KCNN2: variants seen among roughly 807,000 people sequenced by gnomAD.
The protein encoded by KCNN2 is potassium calcium-activated channel subfamily N member 2, also known as small conductance calcium-activated potassium channel protein 2.
Under a neutral mutation model 55.5 loss-of-function variants are expected in KCNN2, and 24 were observed. The observed-to-expected ratio is 0.43, with a 90% CI of 0.31 to 0.61. KCNN2 has a LOEUF of 0.61. Among genes scored for constraint, KCNN2 ranks in the 20% least tolerant of loss-of-function variants. The probability of loss-of-function intolerance (pLI) is 0.08; values close to 1 mark genes in which losing one functional copy is unlikely to be tolerated. For missense variants in KCNN2, 754 were observed against 853.6 expected, an observed-to-expected ratio of 0.88 and a Z score of 1.45; for synonymous variants, 431 against 336.1, an observed-to-expected ratio of 1.28 and a Z score of -3.09.
rs1289825047 is a variant in KCNN2 at position 114,090,573 on chromosome 5, GTA to G, written c.-271+34075_-271+34076del. On this transcript the variant is annotated intron_variant, in intron 1 of 10. Coordinates refer to the KCNN2 transcript ENST00000512097. ...TCTCTCTCTCTCTCTATATATATAT[GTA>G]TGTATATATATACATATATATACCA... 2.3e-3 allele frequency among the ~76,000 whole-genome samples: 236 copies of G among 104,156 alleles called. 1 individual carries two copies. The highest frequency in any genetic ancestry group is 6.8e-3 in the African/African-American group (231 of 34,096). 68.3% of individuals were successfully genotyped at this position (104,156 alleles called of 152,430 possible). A position where few individuals can be genotyped will look rare whatever the true frequency, so the allele number is the denominator to read the frequency against.
chr5:114,189,154 GTA>G lies in KCNN2; in HGVS notation c.-270-32324_-270-32323del, dbSNP rs1491448405. Among the ~76,000 whole-genome samples the G allele has an allele frequency of 8.6e-5, 13 of 150,388 alleles. No individual in the cohort carries two copies. The South Asian group carries it at 2.1e-3, about 24-fold the overall frequency. On this transcript the variant is annotated intron_variant, in intron 1 of 10. Transcript: ENST00000512097. ...CAATAGTGTGTGTGTGTGTGTGTGT[GTA>G]TGTGTGTGTGTGTGTAAAGATTTAT...
intron 1 of KCNN2, among the ~76,000 whole-genome samples, chr5:114,193,550 A>G (rs1467169777): frequency 2.0e-5 from 3 of 152,190 alleles, no homozygotes; most frequent in Admixed American, 2.0e-4. Context: ...CTGGATGAAT[A>G]AAGGAGTTAC....
intron 2 of KCNN2, among the ~76,000 whole-genome samples, chr5:114,345,790 A>T (rs6896732): frequency 0.021 from 3,204 of 151,424 alleles, 100 homozygotes; most frequent in African/African-American, 0.075. Context: ...TTTATTTTTT[A>T]TTTTTTTTGA....
At chr5:114,202,567 GTATA>G (rs1314767935) in intron 1 of KCNN2, among the ~76,000 whole-genome samples, 1 of 93,664 alleles carries the variant, frequency 1.1e-5, no homozygotes, top group African/African-American at 3.9e-5. Flanking sequence ...ATATGTGTGT[GTATA>G]TATATATATA....
chr5:114,434,821 C>T (rs1206356442), intron 3 of KCNN2, among the ~76,000 whole-genome samples: 1 of 152,122 alleles, frequency 6.6e-6, no homozygotes, highest in East Asian at 1.9e-4. Context: ...AATGCCAGAT[C>T]ACTCCGGGGG....
intron 1 of KCNN2, among the ~76,000 whole-genome samples, chr5:114,133,940 T>G (rs1228831163): frequency 6.6e-6 from 1 of 152,218 alleles, no homozygotes; most frequent in Admixed American, 6.5e-5. Flanking sequence ...GCTTGTTTAA[T>G]TTGGTCTTTT....
chr5:114,109,068 T>C (rs1049432158), intron 1 of KCNN2, among the ~76,000 whole-genome samples: 7 of 152,076 alleles, frequency 4.6e-5, no homozygotes, highest in African/African-American at 1.7e-4. Context: ...TAGCTCAGGA[T>C]CTCTCAGAAG....
At chr5:114,249,473 G>T (rs148664796) in intron 2 of KCNN2, among the ~76,000 whole-genome samples, 1 of 151,594 alleles carries the variant, frequency 6.6e-6, no homozygotes, top group Non-Finnish European at 1.5e-5. Flanking sequence ...TTTTACTAGA[G>T]ATGAGGTTTC....
chr5:114,344,090 A>G (rs933540069), intron 2 of KCNN2, among the ~76,000 whole-genome samples: 1 of 152,192 alleles, frequency 6.6e-6, no homozygotes, highest in Non-Finnish European at 1.5e-5. Context: ...AGCCTGCAGA[A>G]GTGCTGAACC....
At chr5:114,131,638 T>C (rs1187091987) in intron 1 of KCNN2, among the ~76,000 whole-genome samples, 1 of 152,226 alleles carries the variant, frequency 6.6e-6, no homozygotes. Context: ...TTCCTTTGGG[T>C]ATATACCCAG....
chr5:114,157,507 T>C (rs986278397), intron 1 of KCNN2, among the ~76,000 whole-genome samples: 2 of 152,156 alleles, frequency 1.3e-5, no homozygotes, highest in African/African-American at 4.8e-5. Flanking sequence ...TTATAATCCT[T>C]TGGGTATATA....
At chr5:114,175,870 G>T (rs962527869) in intron 1 of KCNN2, among the ~76,000 whole-genome samples, 2 of 152,162 alleles carry the variant, frequency 1.3e-5, no homozygotes, top group Non-Finnish European at 2.9e-5. Flanking sequence ...TATTCATAAT[G>T]TTCTACATCA....
intron 3 of KCNN2, among the ~76,000 whole-genome samples, chr5:114,461,766 G>C (rs1421924705): frequency 6.6e-6 from 1 of 151,912 alleles, no homozygotes; most frequent in Non-Finnish European, 1.5e-5. Flanking sequence ...CCATGGTCCA[G>C]TGTAGGTTGC....
chr5:114,446,319 G>A (rs147927621), intron 3 of KCNN2, among the ~76,000 whole-genome samples: 2 of 152,292 alleles, frequency 1.3e-5, no homozygotes, highest in Non-Finnish European at 2.9e-5. Flanking sequence ...CAAAGAGGAA[G>A]TTCTTAGTGA....
intron 1 of KCNN2, among the ~76,000 whole-genome samples, chr5:114,107,073 T>C (rs1040094983): frequency 6.6e-6 from 1 of 152,078 alleles, no homozygotes; most frequent in East Asian, 1.9e-4. Context: ...ATGCATGAAG[T>C]CTAAGGGTCA....
At chr5:114,183,717 T>C (rs1753279488) in intron 1 of KCNN2, among the ~76,000 whole-genome samples, 1 of 151,998 alleles carries the variant, frequency 6.6e-6, no homozygotes, top group Non-Finnish European at 1.5e-5. Flanking sequence ...TTGGTAATTG[T>C]TGTACTCTCC....
chr5:114,363,845 A>T, intron 1 of KCNN2, 61 bp from the exon 2 acceptor site: 1 of 1,178,042 alleles, frequency 8.5e-7, no homozygotes. Context: ...GACTCTGGGG[A>T]CGTGGAAGGC....
At chr5:114,289,600 C>T (rs1044000371) in intron 2 of KCNN2, among the ~76,000 whole-genome samples, 2 of 152,044 alleles carry the variant, frequency 1.3e-5, no homozygotes, top group African/African-American at 4.8e-5. Flanking sequence ...TGGTCTCAAA[C>T]TCCTGACCTC....
Position 114,485,133 on chromosome 5 carries a change from G to A in KCNN2, c.1891-1917G>A, listed in dbSNP as rs181408988. On this transcript the variant is annotated intron_variant, in intron 5 of 7. Coordinates refer to ENST00000673685, the MANE Select transcript of KCNN2 (RefSeq NM_021614.4). Reference sequence around the variant, plus strand: ...ATGGGAATACAAATTGAAATCAAGTGCTATGTTCTACATTGAGGATTGCTA... The same window carrying A: ...ATGGGAATACAAATTGAAATCAAGTACTATGTTCTACATTGAGGATTGCTA... 2.4e-3 allele frequency among the ~76,000 whole-genome samples: 366 copies of A among 152,278 alleles called. 2 individuals carry two copies. Among genetic ancestry groups the A allele is most frequent in the African/African-American group, 8.8e-3 (364 of 41,560 alleles).
Sources: gnomAD v4.1 joint callset for allele counts (sites outside exome capture counted in the v4.1 genomes callset) on GRCh38, gnomAD v4.1.1 for gene constraint, MANE v1.5 for transcripts, NCBI Gene and HGNC (gene_info 2026-07-23, HGNC 2026-07-21) for gene names.